Variants in FHIT observed in about 807,000 individuals in gnomAD.
The protein encoded by FHIT is bis(5'-adenosyl)-triphosphatase.
FHIT carries 19 observed loss-of-function variants against 17.9 expected under a neutral mutation model. The ratio of observed to expected loss-of-function variants is 1.06; its 90% CI spans 0.74 to 1.56. FHIT has a LOEUF of 1.56. FHIT is among the 40% of genes most tolerant of loss of function. FHIT has a pLI of 0.00. For synonymous variants in FHIT, 81 were observed against 69.7 expected (o/e 1.16, Z -0.81); for missense variants, 248 against 189.2 (o/e 1.31, Z -1.82).
At chr3:60,611,854 G>T (rs1366421676) in intron 4 of FHIT, among the ~76,000 whole-genome samples, 1 of 152,182 alleles carries the variant, frequency 6.6e-6, no homozygotes, top group African/African-American at 2.4e-5. Flanking sequence ...AGATATGGAG[G>T]TTAGTGAAAA....
At chr3:60,353,099 A>G (rs1699490372) in intron 5 of FHIT, among the ~76,000 whole-genome samples, 1 of 152,208 alleles carries the variant, frequency 6.6e-6, no homozygotes, top group African/African-American at 2.4e-5. Flanking sequence ...TTTTTCCTAA[A>G]AAAATTTCAA....
At chr3:60,767,029 C>A (rs77499399) in intron 4 of FHIT, among the ~76,000 whole-genome samples, 1,561 of 152,282 alleles carry the variant, frequency 0.01, 32 homozygotes, top group African/African-American at 0.035. Flanking sequence ...CAGTTCTTTA[C>A]TCCAGCATTT....
chr3:60,825,992 A>G (rs1702098746), intron 3 of FHIT, among the ~76,000 whole-genome samples: 1 of 151,544 alleles, frequency 6.6e-6, no homozygotes, highest in South Asian at 2.1e-4. Flanking sequence ...TTTAAAAAGG[A>G]AAAAAACAAC....
chr3:59,880,444 G>A (rs1048869346), intron 8 of FHIT, among the ~76,000 whole-genome samples: 1 of 152,138 alleles, frequency 6.6e-6, no homozygotes, highest in African/African-American at 2.4e-5. Flanking sequence ...CTGGACCACT[G>A]TAATTTCCAG....
intron 5 of FHIT, among the ~76,000 whole-genome samples, chr3:60,173,915 A>ATATATATTTTTTT: frequency 3.0e-5 from 2 of 66,440 alleles, no homozygotes; most frequent in Non-Finnish European, 5.5e-5. Context: ...ATATATATAT[A>ATATATATTTTTTT]TGTTTTTTTT....
chr3:60,250,252 G>A (rs940293513), intron 5 of FHIT, among the ~76,000 whole-genome samples: 1 of 152,178 alleles, frequency 6.6e-6, no homozygotes, highest in Non-Finnish European at 1.5e-5. Context: ...TCTATTGTCT[G>A]CTTAAGCTAG....
At chr3:61,028,951 G>A (rs924131293) in intron 3 of FHIT, among the ~76,000 whole-genome samples, 1 of 151,862 alleles carries the variant, frequency 6.6e-6, no homozygotes, top group Non-Finnish European at 1.5e-5. Context: ...TAGTCCTGAG[G>A]TAGTAGAATA....
chr3:59,973,122 G>A (rs531362472), intron 7 of FHIT, among the ~76,000 whole-genome samples: 49 of 152,016 alleles, frequency 3.2e-4, no homozygotes, highest in Non-Finnish European at 6.0e-4. Flanking sequence ...GGCAATTACT[G>A]ACATGTCTTC....
At chr3:59,756,795 T>C (rs1701243027) in intron 8 of FHIT, among the ~76,000 whole-genome samples, 1 of 152,194 alleles carries the variant, frequency 6.6e-6, no homozygotes, top group Non-Finnish European at 1.5e-5. Context: ...CCAGGGCTTA[T>C]TATTATTGCA....
intron 1 of FHIT, among the ~76,000 whole-genome samples, chr3:61,248,577 G>A (rs1365403367): frequency 1.3e-5 from 2 of 152,178 alleles, no homozygotes; most frequent in African/African-American, 2.4e-5. Context: ...CATAGTGTCA[G>A]AATTTGTTCT....
chr3:59,967,134 T>C (rs1417469259), intron 7 of FHIT, among the ~76,000 whole-genome samples: 3 of 152,112 alleles, frequency 2.0e-5, no homozygotes, highest in Non-Finnish European at 2.9e-5. Flanking sequence ...CCACATCTTG[T>C]CCCACTGAAA....
intron 5 of FHIT, among the ~76,000 whole-genome samples, chr3:60,309,594 T>C (rs955763574): frequency 3.9e-5 from 6 of 152,144 alleles, no homozygotes; most frequent in African/African-American, 1.2e-4. Context: ...GGAAATAATA[T>C]ATAAACTCCA....
chr3:60,994,333 G>A (rs1436127406), intron 3 of FHIT, among the ~76,000 whole-genome samples: 1 of 152,158 alleles, frequency 6.6e-6, no homozygotes, highest in Non-Finnish European at 1.5e-5. Flanking sequence ...GATGGAGAAC[G>A]TGGGGGAAGA....
chr3:60,867,832 T>G (rs1575619511), intron 3 of FHIT, among the ~76,000 whole-genome samples: 2 of 152,198 alleles, frequency 1.3e-5, no homozygotes, highest in East Asian at 3.8e-4. Context: ...CAACTTTTTT[T>G]GGGCATGTAC....
At chr3:60,989,121 C>A (rs1488580925) in intron 3 of FHIT, among the ~76,000 whole-genome samples, 2 of 151,922 alleles carry the variant, frequency 1.3e-5, no homozygotes, top group Admixed American at 1.3e-4. Flanking sequence ...GGACAGCATA[C>A]CCCCATGAAG....
At chr3:60,282,463 G>A (rs12633138) in intron 5 of FHIT, among the ~76,000 whole-genome samples, 38,866 of 151,974 alleles carry the variant, frequency 0.26, 5,684 homozygotes, top group East Asian at 0.69. Context: ...GGGCAATGTA[G>A]ACTATTCTAT....
At chr3:60,993,181 C>A (rs758702077) in intron 3 of FHIT, among the ~76,000 whole-genome samples, 9 of 152,144 alleles carry the variant, frequency 5.9e-5, no homozygotes, top group Non-Finnish European at 1.2e-4. Context: ...GCAAAGGAAA[C>A]CTTATTTTCC....
At chr3:60,315,639 T>G (rs1192542574) in intron 5 of FHIT, among the ~76,000 whole-genome samples, 1 of 152,240 alleles carries the variant, frequency 6.6e-6, no homozygotes, top group East Asian at 1.9e-4. Context: ...TGGTATGTTT[T>G]CATTGCTCTG....
chr3:61,040,494 T>C (rs977927599), intron 3 of FHIT, among the ~76,000 whole-genome samples: 1 of 152,254 alleles, frequency 6.6e-6, no homozygotes, highest in Non-Finnish European at 1.5e-5. Flanking sequence ...CTAGACTATC[T>C]AATTTGTTAA....
Sources: allele counts gnomAD v4.1 joint callset (sites outside exome capture counted in the v4.1 genomes callset), GRCh38; gene constraint gnomAD v4.1.1; transcripts MANE v1.5; gene names NCBI Gene and HGNC (gene_info 2026-07-23, HGNC 2026-07-21).